The following AP2A2 variants were observed in gnomAD, a reference collection of about 807,000 sequenced individuals.
AP2A2 encodes the protein AP-2 complex subunit alpha-2.
AP2A2 carries 32 observed loss-of-function variants against 104.2 expected under a neutral mutation model. That is an observed-to-expected ratio of 0.31 (90% CI 0.23 to 0.41). The LOEUF (loss-of-function observed/expected upper bound fraction) is 0.41. AP2A2 is among the 10% of genes least tolerant of loss of function. The pLI, the probability that AP2A2 is intolerant of heterozygous loss-of-function variation, is 1.00. For synonymous variants in AP2A2, 539 were observed against 533.3 expected (o/e 1.01, Z -0.15); for missense variants, 912 against 1,261.0 (o/e 0.72, Z 4.19).
At chr11:985,924 T>TG (rs1426758017) in intron 8 of AP2A2, among the ~76,000 whole-genome samples, 7 of 152,300 alleles carry the variant, frequency 4.6e-5, no homozygotes, top group South Asian at 2.1e-4. Flanking sequence ...GTGGCTTTGC[T>TG]GGATGTGGAG....
At chr11:979,239 C>T (rs902744654) in intron 5 of AP2A2, among the ~76,000 whole-genome samples, 1 of 149,828 alleles carries the variant, frequency 6.7e-6, no homozygotes, top group Admixed American at 6.7e-5. Flanking sequence ...ATTCTAGATG[C>T]GTGTTTCCTG....
At chr11:969,128 C>T (rs1238182696) in intron 2 of AP2A2, among the ~76,000 whole-genome samples, 7 of 151,458 alleles carry the variant, frequency 4.6e-5, no homozygotes, top group South Asian at 2.1e-4. Context: ...CCACCTTTCT[C>T]GCTCGCCTCC....
chr11:992,021 G>C lies in AP2A2; in HGVS notation c.1270-482G>C, dbSNP rs1192527041. On this transcript the variant is annotated intron_variant, in intron 10 of 21. Coordinates refer to ENST00000448903, the MANE Select transcript of AP2A2 (RefSeq NM_012305.4). This position sits in a 1 kb window ranked among gnomAD's most constrained non-coding sequence, Gnocchi z 6.4. ...AGTGAGCCAGAGAGGGGAAGAAGGG[G>C]AACCCCCAGGTGAGGCTCGCAGGAA... 6.6e-6 allele frequency among the ~76,000 whole-genome samples: 1 copy of C among 152,148 alleles called. No homozygotes were observed. The highest frequency in any genetic ancestry group is 2.4e-5 in the African/African-American group (1 of 41,412).
rs372737912 is a variant in AP2A2, at chr11:985,331, A to G, written c.815-104A>G. On this transcript the variant is annotated intron_variant, in intron 7 of 21. Coordinates refer to ENST00000448903, the MANE Select transcript of AP2A2 (RefSeq NM_012305.4). ...CAGCTGGGTACACAAATGTGAATGAACTATATTAAAAATGCTCTCATGATG... is the reference window on the plus strand; with the variant it reads ...CAGCTGGGTACACAAATGTGAATGAGCTATATTAAAAATGCTCTCATGATG... The G allele has an allele frequency of 2.7e-4, 384 of 1,398,076 alleles. 2 individuals are homozygous for G. The Middle Eastern group carries it at 3.1e-3, about 11-fold the overall frequency. 86.6% of individuals were successfully genotyped at this position (1,398,076 alleles called of 1,614,324 possible). A position where few individuals can be genotyped will look rare whatever the true frequency, so the allele number is the denominator to read the frequency against.
intron 1 of AP2A2, 79 bp from the exon 2 acceptor site, chr11:959,358 G>T: frequency 1.0e-6 from 1 of 992,992 alleles, no homozygotes. Context: ...CGTGAGTTCT[G>T]AGTGTCAGTC....
intron 4 of AP2A2, among the ~76,000 whole-genome samples, chr11:974,891 A>G (rs1370945460): frequency 1.3e-5 from 2 of 152,174 alleles, no homozygotes; most frequent in Non-Finnish European, 2.9e-5. Context: ...AGGCTGAGGC[A>G]GGAGAATCGC....
chr11:986,802 T>C lies in AP2A2; in HGVS notation c.980T>C (p.Val327Ala), dbSNP rs755570936. Reference sequence around the variant, plus strand: ...CCACACAGTGAGCCGAACCTGCTCGTCCGTGCCTGCAACCAGTTGGGCCAG... The same window carrying C: ...CCACACAGTGAGCCGAACCTGCTCGCCCGTGCCTGCAACCAGTTGGGCCAG... ...IHHDSEPNLL[V>A]RACNQLGQFL... The change falls in exon 9 of 22, where the codon GTC (valine) becomes GCC (alanine). Residue 327 changes from valine (V) to alanine (A), a missense_variant. Around this residue, in one of 7 missense-constraint regions of AP2A2, gnomAD observed 350 missense variants for 487.0 expected, o/e 0.72. Coordinates refer to ENST00000448903, the MANE Select transcript of AP2A2 (RefSeq NM_012305.4). 1 of 1,613,364 alleles carries C rather than the reference T, an allele frequency of 6.2e-7. No individual in the cohort carries two copies. Among genetic ancestry groups the C allele is most frequent in the South Asian group, 1.1e-5 (1 of 90,904 alleles).
Position 993,462 on chromosome 11 carries a change from C to G in AP2A2, c.1550+81C>G, listed in dbSNP as rs111630060. ...TCGGTGGCAAGAGGCGAGGCACCAG[C>G]TGGCCCTGCCGTGAGGCCTCGCAGA... On this transcript the variant is annotated intron_variant, in intron 12 of 21. Coordinates refer to ENST00000448903, the MANE Select transcript of AP2A2 (RefSeq NM_012305.4). The surrounding 1 kb of genome is among the most constrained non-coding windows in gnomAD (Gnocchi z 8.2). 2.9e-3 allele frequency: 3,317 copies of G among 1,158,490 alleles called. 78 individuals are homozygous for G. In the African/African-American group the frequency reaches 0.048, roughly 17 times the overall value. 71.8% of individuals were successfully genotyped at this position (1,158,490 alleles called of 1,614,324 possible).
Position 988,042 on chromosome 11 carries a change from TG to T in AP2A2, c.1132-509del, listed in dbSNP as rs1855522516. ...TGGACACTCATTTGCACACGGCCAG[TG>T]CTAGCGCTGGTGGTGCCCACTCTCC... is the stretch of plus-strand genomic sequence containing the variant. On this transcript the variant is annotated intron_variant, in intron 9 of 21. Coordinates refer to ENST00000448903, the MANE Select transcript of AP2A2 (RefSeq NM_012305.4). Among the ~76,000 whole-genome samples, 3 of 152,374 alleles carry T rather than the reference TG, an allele frequency of 2.0e-5. No individual in the cohort carries two copies. In the East Asian group the frequency reaches 5.8e-4, roughly 29 times the overall value.
Position 992,778 on chromosome 11 carries a change from G to A in AP2A2, c.1452+93G>A. 7 of 1,417,820 alleles carry A rather than the reference G, an allele frequency of 4.9e-6. No homozygotes were observed. Among genetic ancestry groups the A allele is most frequent in the Admixed American group, 3.7e-5 (2 of 53,624 alleles). 87.8% of individuals were successfully genotyped at this position (1,417,820 alleles called of 1,614,324 possible). On this transcript the variant is annotated intron_variant, in intron 11 of 21. Coordinates refer to ENST00000448903, the MANE Select transcript of AP2A2 (RefSeq NM_012305.4). The surrounding 1 kb of genome is among the most constrained non-coding windows in gnomAD (Gnocchi z 6.4). ...TCCAGCCTGCCTGCGTGGAGGTGCC[G>A]AGGGCCGTTGCTGACCCCTCTTGCC...
At chr11:927,400 C>T (rs1853153989) in intron 1 of AP2A2, among the ~76,000 whole-genome samples, 1 of 151,822 alleles carries the variant, frequency 6.6e-6, no homozygotes, top group South Asian at 2.1e-4. Flanking sequence ...CTGTTGTGAT[C>T]TTCCCTTTGA....
chr11:1,006,496 G>GTGTGTGAAAAAAT, intron 16 of AP2A2, 32 bp from the exon 17 acceptor site: 2 of 1,450,350 alleles, frequency 1.4e-6, no homozygotes, highest in Non-Finnish European at 1.9e-6. Context: ...GTGAAATGGT[G>GTGTGTGAAAAAAT]TGTGTGAAAA....
chr11:941,991 A>G (rs1853665773), intron 1 of AP2A2, among the ~76,000 whole-genome samples: 2 of 151,272 alleles, frequency 1.3e-5, no homozygotes, highest in Admixed American at 1.3e-4. Context: ...CAGTAGCGTG[A>G]TCTTGGCTCA....
intron 1 of AP2A2, chr11:947,059 G>A (rs1481918103): frequency 7.2e-6 from 1 of 138,886 alleles, no homozygotes; most frequent in East Asian, 2.1e-4. Flanking sequence ...GCCAAGGCTA[G>A]AGTGCGGTGG....
In AP2A2 at chr11:972,058, G is replaced by T. The variant is rs769361795; in HGVS notation, c.280-4G>T. On this transcript the variant is annotated splice_polypyrimidine_tract_variant and splice_region_variant and intron_variant, in intron 3 of 21. Coordinates refer to ENST00000448903, the MANE Select transcript of AP2A2 (RefSeq NM_012305.4). ...TTTCTCTTCTCCTGTCTTTTGGAAC[G>T]CAGGGCTACCTTTTCATCTCTGTGT... 7 of 1,610,058 alleles carry T rather than the reference G, an allele frequency of 4.3e-6. No individual in the cohort carries two copies. In the East Asian group the frequency reaches 6.7e-5, roughly 15 times the overall value.
At chr11:1,000,362 G>C in intron 14 of AP2A2, 70 bp from the exon 15 acceptor site, 1 of 1,489,716 alleles carries the variant, frequency 6.7e-7, no homozygotes, top group Non-Finnish European at 9.1e-7. Flanking sequence ...AGGACGTGCA[G>C]GCGTGAGCTG....
chr11:983,657 A>C (rs1161237888), intron 6 of AP2A2, among the ~76,000 whole-genome samples: 2 of 152,222 alleles, frequency 1.3e-5, no homozygotes, highest in Non-Finnish European at 2.9e-5. Flanking sequence ...TGCTGGGATT[A>C]CAGGCGGGAG....
In AP2A2 at chr11:984,729, C is replaced by G. The variant is rs1855390139; in HGVS notation, c.790C>G (p.Leu264Val). Residue 264 changes from leucine (L) to valine (V), a missense_variant, in exon 7 of 22, where the codon CTG (leucine) becomes GTG (valine). By Grantham distance (32) the Leu-to-Val change is conservative (BLOSUM62 1). Coordinates refer to ENST00000448903, the MANE Select transcript of AP2A2 (RefSeq NM_012305.4). ...CTGGCTGTCTGTCAAACTGCTGAGACTGCTGCAGTGCTACCCACCCCCAGG... is the reference window on the plus strand; with the variant it reads ...CTGGCTGTCTGTCAAACTGCTGAGAGTGCTGCAGTGCTACCCACCCCCAGG... ...APWLSVKLLR[L>V]LQCYPPPDPA... The G allele has an allele frequency of 6.2e-7, 1 of 1,612,648 alleles. No individual in the cohort carries two copies. The highest frequency in any genetic ancestry group is 1.7e-5 in the Admixed American group (1 of 60,026).
intron 1 of AP2A2, among the ~76,000 whole-genome samples, chr11:933,106 T>A (rs1191909371): frequency 6.6e-6 from 1 of 152,138 alleles, no homozygotes; most frequent in Non-Finnish European, 1.5e-5. Flanking sequence ...ATGTCTCTAC[T>A]AAAAATACAA....
Sources: allele counts gnomAD v4.1 joint callset (sites outside exome capture counted in the v4.1 genomes callset), GRCh38; gene constraint gnomAD v4.1.1; regional missense constraint gnomAD v4.1.1; non-coding constraint Gnocchi (gnomAD v3.1); transcripts MANE v1.5; gene names NCBI Gene and HGNC (gene_info 2026-07-23, HGNC 2026-07-21).